PDP2: variants seen among roughly 807,000 people sequenced by gnomAD.
PDP2 encodes pyruvate dehydrogenase phosphatase catalytic subunit 2.
PDP2 carries 23 observed loss-of-function variants against 34.2 expected under a neutral mutation model. The ratio of observed to expected loss-of-function variants is 0.67; its 90% confidence interval spans 0.48 to 0.95. The LOEUF (loss-of-function observed/expected upper bound fraction) is 0.95, where lower values mean the gene tolerates loss of function less well. Ranked by LOEUF, PDP2 falls within the 40% of genes least tolerant of loss-of-function variation. PDP2 has a pLI of 0.00. For missense variants in PDP2, 571 were observed against 659.6 expected, an observed-to-expected ratio of 0.87 and a Z score of 1.47; for synonymous variants, 275 against 269.2, an observed-to-expected ratio of 1.02 and a Z score of -0.21.
rs1283106622 is a variant in PDP2 at position 66,889,576 on chromosome 16, C to G, written c.*3702C>G. 1 of 152,132 alleles carries G rather than the reference C, an allele frequency of 6.6e-6. No individual in the cohort carries two copies. The highest frequency in any genetic ancestry group is 1.5e-5 in the Non-Finnish European group (1 of 68,036). The allele number at this position is 152,132 out of a possible 1,614,324, so 9.4% of individuals were successfully genotyped here. A position where few individuals can be genotyped will look rare whatever the true frequency, so the allele number is the denominator to read the frequency against. On this transcript the variant is annotated 3_prime_UTR_variant, in exon 2 of 2. Coordinates refer to ENST00000311765, the MANE Select transcript of PDP2 (RefSeq NM_020786.4). ...CTTCCCAAAGTGCTAGCATTACAGG[C>G]ATGAGCCACCACACCTCACCAGATT...
In PDP2 at chr16:66,885,305, G is replaced by A. The variant is rs147315686; in HGVS notation, c.1021G>A (p.Val341Ile). 39 of 1,613,948 alleles carry A rather than the reference G, an allele frequency of 2.4e-5. No individual in the cohort carries two copies. The African/African-American group carries it at 3.7e-4, about 15-fold the overall frequency. The change falls in exon 2 of 2, where the codon GTC (valine) becomes ATC (isoleucine). Residue 341 changes from valine to isoleucine, a missense_variant. Physicochemically the swap from Val to Ile is conservative, Grantham distance 29. Coordinates refer to ENST00000311765, the MANE Select transcript of PDP2 (RefSeq NM_020786.4). This position sits in a 1 kb window ranked among gnomAD's most constrained non-coding sequence, Gnocchi z 4.6. ...TIIMEDRLLG[V>I]LIPCRAFGDV... ...CATCATGGAGGACAGGCTACTGGGC[G>A]TCCTCATCCCCTGCAGGGCCTTTGG...
chr16:66,884,326 G>A lies in PDP2; in HGVS notation c.42G>A (p.Arg14=), dbSNP rs1301552474. 6.2e-7 allele frequency: 1 copy of A among 1,613,542 alleles called. No homozygotes were observed. Residue 14 remains arginine (R), a synonymous_variant, in exon 2 of 2, where the codon AGG becomes AGA. Coordinates refer to ENST00000311765, the MANE Select transcript of PDP2 (RefSeq NM_020786.4). ...TVSYWILNST[R]NSIATLQGGR... ...CCTACTGGATCTTAAATTCTACAAG[G>A]AACAGCATTGCCACATTGCAAGGGG...
rs1459570703 is a variant in PDP2 at position 66,888,902 on chromosome 16, T to C, written c.*3028T>C. 4 of 152,274 alleles carry C rather than the reference T, an allele frequency of 2.6e-5. No individual in the cohort carries two copies. Among genetic ancestry groups the C allele is most frequent in the Non-Finnish European group, 4.4e-5 (3 of 68,046 alleles). The allele number at this position is 152,274 out of a possible 1,614,324, so 9.4% of individuals were successfully genotyped here. A position where few individuals can be genotyped will look rare whatever the true frequency, so the allele number is the denominator to read the frequency against. On this transcript the variant is annotated 3_prime_UTR_variant, in exon 2 of 2. Transcript: ENST00000311765. ...CTGCCTAATAGATTTTCCTGCTTTC[T>C]AGTTAGTAATATTGAGAAAGAAGAA...
intron 1 of PDP2, among the ~76,000 whole-genome samples, chr16:66,881,800 C>T (rs1567514651): frequency 1.3e-5 from 2 of 152,078 alleles, no homozygotes; most frequent in Admixed American, 6.6e-5. Context: ...CCCACCTCAG[C>T]CTCTTGAGTA....
Position 66,885,445 on chromosome 16 carries a change from C to T in PDP2, c.1161C>T (p.Pro387=), listed in dbSNP as rs1290916962. The part of the protein sequence containing the change: ...QFTPPHYYTP[P]YLTAEPEVTY... Reference sequence around the variant, plus strand: ...CACCCCCACACTACTACACTCCACCCTACCTGACTGCTGAGCCTGAGGTCA... The same window carrying T: ...CACCCCCACACTACTACACTCCACCTTACCTGACTGCTGAGCCTGAGGTCA... The change falls in exon 2 of 2, where the codon CCC becomes CCT. Residue 387 remains proline, a synonymous_variant. Transcript: ENST00000311765. This position sits in a 1 kb window ranked among gnomAD's most constrained non-coding sequence, Gnocchi z 4.6. The T allele has an allele frequency of 1.9e-6, 3 of 1,613,752 alleles. No individual in the cohort carries two copies. The highest frequency in any genetic ancestry group is 1.3e-5 in the African/African-American group (1 of 74,928).
chr16:66,884,263 C>T lies in PDP2; in HGVS notation c.-22C>T, dbSNP rs1013870273. On this transcript the variant is annotated 5_prime_UTR_variant, in exon 2 of 2. Transcript: ENST00000311765. The stretch of plus-strand genomic sequence containing the variant: ...AATATCCTTTTTTGCTGAAGGAACA[C>T]ATTTGCTGGTATAGTTTCAGAATGT... 6.0e-6 allele frequency: 9 copies of T among 1,505,298 alleles called. No individual in the cohort carries two copies. The highest frequency in any genetic ancestry group is 1.4e-5 in the African/African-American group (1 of 71,040). 93.2% of individuals were successfully genotyped at this position (1,505,298 alleles called of 1,614,324 possible).
chr16:66,884,254 G>T lies in PDP2; in HGVS notation c.-31G>T. ...AGGTTTAAAAATATCCTTTTTTGCTGAAGGAACACATTTGCTGGTATAGTT... is the reference window on the plus strand; with the variant it reads ...AGGTTTAAAAATATCCTTTTTTGCTTAAGGAACACATTTGCTGGTATAGTT... On this transcript the variant is annotated 5_prime_UTR_variant, in exon 2 of 2. Transcript: ENST00000311765. 19 of 1,469,264 alleles carry T rather than the reference G, an allele frequency of 1.3e-5. No individual in the cohort carries two copies. Among genetic ancestry groups the T allele is most frequent in the South Asian group, 3.0e-5 (2 of 66,018 alleles). 91.0% of individuals were successfully genotyped at this position (1,469,264 alleles called of 1,614,324 possible).
Position 66,885,519 on chromosome 16 carries a change from A to G in PDP2, c.1235A>G (p.Asp412Gly). 1 of 1,614,078 alleles carries G rather than the reference A, an allele frequency of 6.2e-7. No individual in the cohort carries two copies. The highest frequency in any genetic ancestry group is 8.5e-7 in the Non-Finnish European group (1 of 1,180,036). Residue 412 changes from aspartate to glycine, a missense_variant, in exon 2 of 2, where the codon GAT (aspartate) becomes GGT (glycine). Coordinates refer to ENST00000311765, the MANE Select transcript of PDP2 (RefSeq NM_020786.4). The surrounding 1 kb of genome is among the most constrained non-coding windows in gnomAD (Gnocchi z 4.6). ...GATAAGTTCCTTGTGCTGGCCTCAG[A>G]TGGCCTGTGGGACATGCTGAGCAAT... ...PQDKFLVLAS[D>G]GLWDMLSNED...
chr16:66,890,039 G>A lies in PDP2; in HGVS notation c.*4165G>A, dbSNP rs1407375571. 6.6e-6 allele frequency: 1 copy of A among 151,006 alleles called. No homozygotes were observed. The highest frequency in any genetic ancestry group is 6.6e-5 in the Admixed American group (1 of 15,130). The allele number at this position is 151,006 out of a possible 1,614,324, so 9.4% of individuals were successfully genotyped here. A position where few individuals can be genotyped will look rare whatever the true frequency, so the allele number is the denominator to read the frequency against. On this transcript the variant is annotated 3_prime_UTR_variant, in exon 2 of 2. Coordinates refer to ENST00000311765, the MANE Select transcript of PDP2 (RefSeq NM_020786.4). ...TCATGCCTGTGATCCCAGCACTTTC[G>A]GAGGCCAAAGTGGGTGGATTACCTG...
Position 66,886,552 on chromosome 16 carries a change from A to G in PDP2, c.*678A>G, listed in dbSNP as rs1961773571. 2.1e-6 allele frequency: 1 copy of G among 469,386 alleles called. No homozygotes were observed. The highest frequency in any genetic ancestry group is 4.4e-6 in the Non-Finnish European group (1 of 225,678). 29.1% of individuals were successfully genotyped at this position (469,386 alleles called of 1,614,324 possible). Reference sequence around the variant, plus strand: ...TGACTTGTTTTGGTTTTCAGCTGATAGGATCTATGCCTCTGGACCAGCTGA... The same window carrying G: ...TGACTTGTTTTGGTTTTCAGCTGATGGGATCTATGCCTCTGGACCAGCTGA... On this transcript the variant is annotated 3_prime_UTR_variant, in exon 2 of 2. Transcript: ENST00000311765.
chr16:66,884,893 T>C lies in PDP2; in HGVS notation c.609T>C (p.Ser203=), dbSNP rs368576590. Residue 203 remains serine, a synonymous_variant, in exon 2 of 2, where the codon TCT becomes TCC. Transcript: ENST00000311765. ...ACAGTATCTACAAGGATGTCACATCTGTGCATCTTGACCACCTCCGTGTCT... is the reference window on the plus strand; with the variant it reads ...ACAGTATCTACAAGGATGTCACATCCGTGCATCTTGACCACCTCCGTGTCT... The part of the protein sequence containing the change: ...PGDSIYKDVT[S]VHLDHLRVYW... 26 of 1,614,138 alleles carry C rather than the reference T, an allele frequency of 1.6e-5. No homozygotes were observed. The highest frequency in any genetic ancestry group is 2.1e-5 in the Non-Finnish European group (25 of 1,180,016).
In PDP2 at chr16:66,890,491, A is replaced by G. The variant is rs1961958819; in HGVS notation, c.*4617A>G. On this transcript the variant is annotated 3_prime_UTR_variant, in exon 2 of 2. Transcript: ENST00000311765. ...ACTGGGTAAAGTTCAGTTTAGACAC[A>G]ATCAAATTGGCATCTTTTAAACATA... is the stretch of plus-strand genomic sequence containing the variant. 1 of 151,994 alleles carries G rather than the reference A, an allele frequency of 6.6e-6. No homozygotes were observed. Among genetic ancestry groups the G allele is most frequent in the African/African-American group, 2.4e-5 (1 of 41,440 alleles). 9.4% of individuals were successfully genotyped at this position (151,994 alleles called of 1,614,324 possible). A position where few individuals can be genotyped will look rare whatever the true frequency, so the allele number is the denominator to read the frequency against.
At position 66,886,549 on chromosome 16, in the gene PDP2, G is replaced by A. The variant is rs11861556; in HGVS notation, c.*675G>A. ...GAATGACTTGTTTTGGTTTTCAGCTGATAGGATCTATGCCTCTGGACCAGC... is the reference window on the plus strand; with the variant it reads ...GAATGACTTGTTTTGGTTTTCAGCTAATAGGATCTATGCCTCTGGACCAGC... On this transcript the variant is annotated 3_prime_UTR_variant, in exon 2 of 2. Coordinates refer to ENST00000311765, the MANE Select transcript of PDP2 (RefSeq NM_020786.4). The A allele has an allele frequency of 0.11, 52,444 of 468,578 alleles. 6,468 individuals are homozygous for A. The highest frequency in any genetic ancestry group is 0.45 in the African/African-American group (22,567 of 49,972). The allele number at this position is 468,578 out of a possible 1,614,324, so 29.0% of individuals were successfully genotyped here.
rs1406608955 is a variant in PDP2 at position 66,886,801 on chromosome 16, A to T, written c.*927A>T. The T allele has an allele frequency of 4.8e-6, 1 of 206,596 alleles. No individual in the cohort carries two copies. Among genetic ancestry groups the T allele is most frequent in the African/African-American group, 2.3e-5 (1 of 43,430 alleles). 12.8% of individuals were successfully genotyped at this position (206,596 alleles called of 1,614,324 possible). A position where few individuals can be genotyped will look rare whatever the true frequency, so the allele number is the denominator to read the frequency against. On this transcript the variant is annotated 3_prime_UTR_variant, in exon 2 of 2. Coordinates refer to ENST00000311765, the MANE Select transcript of PDP2 (RefSeq NM_020786.4). ...TCCACACAATCCTTCTACCTCTGCT[A>T]TGCTGAACCCCTCATTCACCCTGCA... is the stretch of plus-strand genomic sequence containing the variant.
At position 66,886,045 on chromosome 16, in the gene PDP2, T is replaced by G; in HGVS notation, c.*171T>G. 1.6e-6 allele frequency: 1 copy of G among 641,500 alleles called. No homozygotes were observed. The highest frequency in any genetic ancestry group is 2.7e-6 in the Non-Finnish European group (1 of 364,482). The allele number at this position is 641,500 out of a possible 1,614,324, so 39.7% of individuals were successfully genotyped here. ...AGCCTAGCTTTAAAAAACAGTGAAATAGCAGTGATTTCATGTCCCTGTATG... is the reference window on the plus strand; with the variant it reads ...AGCCTAGCTTTAAAAAACAGTGAAAGAGCAGTGATTTCATGTCCCTGTATG... On this transcript the variant is annotated 3_prime_UTR_variant, in exon 2 of 2. Transcript: ENST00000311765.
chr16:66,884,457 C>T lies in PDP2; in HGVS notation c.173C>T (p.Thr58Ile), dbSNP rs369589101. 29 of 1,614,066 alleles carry T rather than the reference C, an allele frequency of 1.8e-5. No homozygotes were observed. In the African/African-American group the frequency reaches 3.6e-4, roughly 20 times the overall value. Residue 58 changes from threonine to isoleucine, a missense_variant, in exon 2 of 2, where the codon ACT becomes ATT. By Grantham distance (89) the Thr-to-Ile change is moderately conservative. Transcript: ENST00000311765. ...TLNSSPCGGF[T>I]LCKAYRHTST... ...AACAGTTCCCCATGTGGTGGCTTTACTCTGTGCAAAGCCTACAGACACACA... is the reference window on the plus strand; with the variant it reads ...AACAGTTCCCCATGTGGTGGCTTTATTCTGTGCAAAGCCTACAGACACACA...
chr16:66,884,740 G>A lies in PDP2; in HGVS notation c.456G>A (p.Val152=), dbSNP rs566326380. The change falls in exon 2 of 2, where the codon GTG becomes GTA. Residue 152 remains valine, a synonymous_variant. Transcript: ENST00000311765. ...GTGGTCATGCATGTGCCCAAGCAGTGAGCGAGAGGCTCTTCTACTATGTGG... is the reference window on the plus strand; with the variant it reads ...GTGGTCATGCATGTGCCCAAGCAGTAAGCGAGAGGCTCTTCTACTATGTGG... ...GHGGHACAQA[V]SERLFYYVAV... The A allele has an allele frequency of 5.6e-6, 9 of 1,614,234 alleles. No homozygotes were observed. The South Asian group carries it at 7.7e-5, about 14-fold the overall frequency.
In PDP2 at chr16:66,887,991, G is replaced by GTCCTTCCT. The variant is rs373306980; in HGVS notation, c.*2178_*2185dup. ...AAAAATCCATCTTATCTCTTAGTCC[G>GTCCTTCCT]TCCTTCCTTCCTTCCTTCCTTCCTT... On this transcript the variant is annotated 3_prime_UTR_variant, in exon 2 of 2. Transcript: ENST00000311765. 1.6e-4 allele frequency: 16 copies of GTCCTTCCT among 97,354 alleles called. No individual in the cohort carries two copies. The highest frequency in any genetic ancestry group is 4.0e-4 in the South Asian group (1 of 2,508). The allele number at this position is 97,354 out of a possible 1,614,324, so 6.0% of individuals were successfully genotyped here.
In PDP2 at chr16:66,886,047, G is replaced by C. The variant is rs955384653; in HGVS notation, c.*173G>C. On this transcript the variant is annotated 3_prime_UTR_variant, in exon 2 of 2. Coordinates refer to ENST00000311765, the MANE Select transcript of PDP2 (RefSeq NM_020786.4). ...CCTAGCTTTAAAAAACAGTGAAATA[G>C]CAGTGATTTCATGTCCCTGTATGTT... The C allele has an allele frequency of 1.6e-6, 1 of 642,670 alleles. No individual in the cohort carries two copies. Among genetic ancestry groups the C allele is most frequent in the Non-Finnish European group, 2.7e-6 (1 of 365,196 alleles). The allele number at this position is 642,670 out of a possible 1,614,324, so 39.8% of individuals were successfully genotyped here.
Sources: allele counts gnomAD v4.1 joint callset (sites outside exome capture counted in the v4.1 genomes callset), GRCh38; gene constraint gnomAD v4.1.1; non-coding constraint Gnocchi (gnomAD v3.1); transcripts MANE v1.5; gene names NCBI Gene and HGNC (gene_info 2026-07-23, HGNC 2026-07-21).